Variants in ZMYND11 observed in about 807,000 individuals in gnomAD.
ZMYND11 encodes the protein zinc finger MYND-type containing 11.
Under a neutral mutation model 84.9 loss-of-function variants are expected in ZMYND11, and 9 were observed. The observed-to-expected ratio is 0.11, with a 90% CI of 0.06 to 0.18. ZMYND11 has a LOEUF of 0.18. ZMYND11 is among the 10% of genes least tolerant of loss of function. The pLI, the probability that ZMYND11 is intolerant of heterozygous loss-of-function variation, is 1.00. For synonymous variants in ZMYND11, 250 were observed against 244.1 expected (o/e 1.02, Z -0.23); for missense variants, 409 against 761.0 (o/e 0.54, Z 5.44).
chr10:151,661 G>A (rs557513898), intron 1 of ZMYND11, among the ~76,000 whole-genome samples: 62 of 152,244 alleles, frequency 4.1e-4, no homozygotes, highest in African/African-American at 1.4e-3. Context: ...ATCCAGGAGA[G>A]CTTCCCCAAC....
Position 254,257 on chromosome 10 carries a change from T to C in ZMYND11, c.*1787T>C, listed in dbSNP as rs2132066710. On this transcript the variant is annotated 3_prime_UTR_variant, in exon 15 of 15. Coordinates refer to ENST00000381604, the MANE Select transcript of ZMYND11 (RefSeq NM_001370100.5). ...CATTCCAGAGTATGTAATATTTAACTGATAGCTGCATGAAAGTGAGATTCG... is the reference window on the plus strand; with the variant it reads ...CATTCCAGAGTATGTAATATTTAACCGATAGCTGCATGAAAGTGAGATTCG... The C allele has an allele frequency of 6.5e-6, 1 of 152,752 alleles. No homozygotes were observed. The highest frequency in any genetic ancestry group is 2.1e-4 in the South Asian group (1 of 4,826). The allele number at this position is 152,752 out of a possible 1,614,324, so 9.5% of individuals were successfully genotyped here. A position where few individuals can be genotyped will look rare whatever the true frequency, so the allele number is the denominator to read the frequency against.
At chr10:230,852 A>T (rs1052595189) in intron 4 of ZMYND11, among the ~76,000 whole-genome samples, 9 of 152,206 alleles carry the variant, frequency 5.9e-5, no homozygotes, top group African/African-American at 1.7e-4. Context: ...AGTTCAATTC[A>T]ACTGATACGT....
At chr10:214,923 T>C (rs745771896) in intron 3 of ZMYND11, among the ~76,000 whole-genome samples, 14 of 152,246 alleles carry the variant, frequency 9.2e-5, no homozygotes, top group Admixed American at 2.0e-4. Flanking sequence ...TTACGAGTTA[T>C]ACTCTTAAGC....
chr10:142,792 A>G (rs999982540), intron 1 of ZMYND11, among the ~76,000 whole-genome samples: 1 of 152,222 alleles, frequency 6.6e-6, no homozygotes, highest in Non-Finnish European at 1.5e-5. Flanking sequence ...ACTCTGGGCA[A>G]TCAAAACATT....
chr10:199,088 T>C (rs2131050432), intron 2 of ZMYND11, among the ~76,000 whole-genome samples: 1 of 152,366 alleles, frequency 6.6e-6, no homozygotes, highest in East Asian at 1.9e-4. Context: ...GCCTAGCTTC[T>C]GAGCCTCTCA....
intron 1 of ZMYND11, among the ~76,000 whole-genome samples, chr10:165,812 TC>T (rs1200251104): frequency 1.3e-5 from 2 of 152,124 alleles, no homozygotes; most frequent in African/African-American, 4.8e-5. Context: ...ATTACCACTC[TC>T]CTCTTCCTCA....
chr10:246,839 G>A lies in ZMYND11; in HGVS notation c.1024G>A (p.Gly342Ser). The A allele has an allele frequency of 6.2e-7, 1 of 1,614,112 alleles. No homozygotes were observed. Among genetic ancestry groups the A allele is most frequent in the South Asian group, 1.1e-5 (1 of 91,070 alleles). Residue 342 changes from glycine (G) to serine (S), a missense_variant, in exon 11 of 15, where the codon GGT becomes AGT. By Grantham distance (56) the Gly-to-Ser change is moderately conservative (BLOSUM62 0). Around this residue, in one of 7 missense-constraint regions of ZMYND11, gnomAD observed 48 missense variants for 61.1 expected, o/e 0.79. Coordinates refer to ENST00000381604, the MANE Select transcript of ZMYND11 (RefSeq NM_001370100.5). Reference sequence around the variant, plus strand: ...TCGGCTGCACGTGAAGCGCAGTATGGGTTGGAAAAAGGCCTGTGATGAGCT... The same window carrying A: ...TCGGCTGCACGTGAAGCGCAGTATGAGTTGGAAAAAGGCCTGTGATGAGCT... ...IHRLHVKRSM[G>S]WKKACDELEL...
chr10:222,974 C>G (rs1316125355), intron 4 of ZMYND11, among the ~76,000 whole-genome samples: 1 of 151,534 alleles, frequency 6.6e-6, no homozygotes, highest in Non-Finnish European at 1.5e-5. Context: ...ATGTTTAATA[C>G]TTCTTCCGTC....
chr10:206,231 G>C (rs1366721442), intron 2 of ZMYND11, among the ~76,000 whole-genome samples: 1 of 152,074 alleles, frequency 6.6e-6, no homozygotes, highest in East Asian at 1.9e-4. Flanking sequence ...GTGGTGGCCA[G>C]CACCTGTAGT....
At chr10:248,117 A>G (rs928940618) in intron 12 of ZMYND11, among the ~76,000 whole-genome samples, 3 of 152,154 alleles carry the variant, frequency 2.0e-5, no homozygotes, top group African/African-American at 7.2e-5. Flanking sequence ...TGTAGCTGTT[A>G]ATTGCATGTT....
At chr10:137,026 TAC>T (rs1302331555) in intron 1 of ZMYND11, among the ~76,000 whole-genome samples, 3 of 152,126 alleles carry the variant, frequency 2.0e-5, no homozygotes, top group African/African-American at 7.2e-5. Flanking sequence ...ATGTATACAT[TAC>T]ATAGTGTTAT....
At chr10:242,314 T>C (rs1342536397) in intron 10 of ZMYND11, among the ~76,000 whole-genome samples, 175 bp downstream of exon 10, 1 of 152,184 alleles carries the variant, frequency 6.6e-6, no homozygotes, top group Admixed American at 6.5e-5. Flanking sequence ...TTTTCAGATA[T>C]TGTGTACTAA....
At chr10:222,503 A>G (rs1380398950) in intron 4 of ZMYND11, among the ~76,000 whole-genome samples, 1 of 152,008 alleles carries the variant, frequency 6.6e-6, no homozygotes, top group Non-Finnish European at 1.5e-5. Context: ...CAATATGTAG[A>G]CCTCCTCTTT....
At chr10:205,871 A>G (rs887246098) in intron 2 of ZMYND11, among the ~76,000 whole-genome samples, 2 of 151,796 alleles carry the variant, frequency 1.3e-5, no homozygotes. Context: ...TTTCACCATG[A>G]TTAACAATGG....
intron 1 of ZMYND11, among the ~76,000 whole-genome samples, chr10:136,422 G>A (rs1380597496): frequency 2.6e-5 from 4 of 152,164 alleles, no homozygotes; most frequent in African/African-American, 9.7e-5. Flanking sequence ...TATGCGGTGG[G>A]TACGCAGTAC....
intron 1 of ZMYND11, among the ~76,000 whole-genome samples, chr10:159,116 CTT>C (rs1179359339): frequency 1.5e-5 from 2 of 132,294 alleles, no homozygotes; most frequent in African/African-American, 2.8e-5. Flanking sequence ...CATGATCCCT[CTT>C]TTTTTTTTTT....
intron 1 of ZMYND11, among the ~76,000 whole-genome samples, chr10:172,602 A>G (rs1845611398): frequency 6.6e-6 from 1 of 152,314 alleles, no homozygotes; most frequent in African/African-American, 2.4e-5. Flanking sequence ...GAGATAAAAG[A>G]TTAAATAAAT....
intron 2 of ZMYND11, among the ~76,000 whole-genome samples, chr10:182,588 G>A (rs1363355218): frequency 1.3e-5 from 2 of 152,146 alleles, no homozygotes; most frequent in African/African-American, 4.8e-5. Flanking sequence ...CATCTGAGAG[G>A]TATGCCATGT....
intron 4 of ZMYND11, among the ~76,000 whole-genome samples, chr10:234,509 A>G (rs1396077909): frequency 6.6e-6 from 1 of 152,264 alleles, no homozygotes; most frequent in East Asian, 1.9e-4. Context: ...TATGTTTCCT[A>G]TTAAAGGAAC....
Sources: allele counts gnomAD v4.1 joint callset (sites outside exome capture counted in the v4.1 genomes callset), GRCh38; gene constraint gnomAD v4.1.1; regional missense constraint gnomAD v4.1.1; transcripts MANE v1.5; gene names NCBI Gene and HGNC (gene_info 2026-07-23, HGNC 2026-07-21).